The following XKRX variants were observed in gnomAD, a reference collection of about 807,000 sequenced individuals.
XKRX encodes the protein XK-related protein 2.
XKRX carries 11 observed loss-of-function variants against 22.4 expected under a neutral mutation model. That is an observed-to-expected ratio of 0.49 (90% CI 0.31 to 0.81). The LOEUF (loss-of-function observed/expected upper bound fraction) is 0.81. Ranked by LOEUF, XKRX falls within the 40% of genes least tolerant of loss-of-function variation. XKRX has a pLI of 0.05. For missense variants in XKRX, 320 were observed against 336.5 expected, an observed-to-expected ratio of 0.95 and a Z score of 0.38; for synonymous variants, 114 against 132.2, an observed-to-expected ratio of 0.86 and a Z score of 0.94.
chrX:100,898,606 A>C, the XKRX span, among the ~76,000 whole-genome samples: 1 of 109,451 alleles, frequency 9.1e-6, no homozygotes, highest in African/African-American at 3.3e-5. Flanking sequence ...ACAAAAAAAA[A>C]AAAACAAGAA....
chrX:100,914,716 G>A lies in XKRX; in HGVS notation c.972C>T (p.Phe324=). 8.3e-7 allele frequency: 1 copy of A among 1,211,934 alleles called. No individual in the cohort carries two copies. The change falls in exon 3 of 3, where the codon TTC becomes TTT. Residue 324 remains phenylalanine, a synonymous_variant. Coordinates refer to ENST00000372956, the MANE Select transcript of XKRX (RefSeq NM_212559.3). ...TCAACTGCAAAGCTGACCAGCAAGA[G>A]AAGTTGATGCCAGCATAGAGGATGG... is the stretch of plus-strand genomic sequence containing the variant. ...SVTILYAGIN[F]SCWSALQLRL...
intron 2 of XKRX, 33 bp from the exon 3 acceptor site, chrX:100,915,116 C>A: frequency 8.5e-7 from 1 of 1,182,945 alleles, no homozygotes. Context: ...CAAAAACAGG[C>A]AATCAGTCAA....
In XKRX at chrX:100,926,579, T is replaced by A. The variant is rs186406721; in HGVS notation, c.335+1391A>T. ...CTTCCCATTGCAACACTCTGACCCA[T>A]ATTCCTCGGCTGACTGCAGTTGTCT... On this transcript the variant is annotated intron_variant, in intron 1 of 2. Coordinates refer to ENST00000372956, the MANE Select transcript of XKRX (RefSeq NM_212559.3). 3.6e-5 allele frequency among the ~76,000 whole-genome samples: 4 copies of A among 111,859 alleles called. No homozygotes were observed. In the East Asian group the frequency reaches 1.1e-3, roughly 31 times the overall value.
the XKRX span, among the ~76,000 whole-genome samples, chrX:100,897,508 C>T: frequency 4.8e-5 from 5 of 103,364 alleles, no homozygotes; most frequent in African/African-American, 1.8e-4. Context: ...TCGCTTGAAC[C>T]GGGGAGGTGG....
At chrX:100,902,245 CTT>C in the XKRX span, among the ~76,000 whole-genome samples, 582 of 111,303 alleles carry the variant, frequency 5.2e-3, 5 homozygotes, top group African/African-American at 0.018. Flanking sequence ...TAAAATACAT[CTT>C]ATCAAAATTT....
downstream of XKRX, among the ~76,000 whole-genome samples, chrX:100,911,729 C>T (rs149445515): frequency 7.7e-4 from 86 of 112,380 alleles, 1 homozygote; most frequent in African/African-American, 2.7e-3. Context: ...CCATATTTCA[C>T]AATTCCATCT....
At chrX:100,951,144 G>C in the XKRX span, among the ~76,000 whole-genome samples, 1 of 100,875 alleles carries the variant, frequency 9.9e-6, no homozygotes, top group East Asian at 3.4e-4. Context: ...TAGGGCAGGA[G>C]AATCGCTTGA....
At chrX:100,926,413 G>A (rs2085498049) in intron 1 of XKRX, among the ~76,000 whole-genome samples, 1 of 111,827 alleles carries the variant, frequency 8.9e-6, no homozygotes, top group South Asian at 3.7e-4. Flanking sequence ...AAAATTTATT[G>A]ATAAAAAATT....
chrX:100,940,240 A>G, the XKRX span, among the ~76,000 whole-genome samples: 1 of 112,004 alleles, frequency 8.9e-6, no homozygotes, highest in Non-Finnish European at 1.9e-5. Context: ...TCCAATTTAT[A>G]GAAAAGGAAG....
the XKRX span, among the ~76,000 whole-genome samples, chrX:100,935,083 T>C: frequency 1.8e-5 from 2 of 112,143 alleles, no homozygotes; most frequent in Non-Finnish European, 3.8e-5. Context: ...TTTTACTTAG[T>C]CAGATATAGC....
chrX:100,927,748 A>G (rs766139232), intron 1 of XKRX, among the ~76,000 whole-genome samples: 28 of 112,325 alleles, frequency 2.5e-4, no homozygotes, highest in African/African-American at 8.7e-4. Flanking sequence ...GCCAAATAGC[A>G]TCGTTCATTG....
At chrX:100,889,239 C>CAAA in the XKRX span, among the ~76,000 whole-genome samples, 4 of 53,262 alleles carry the variant, frequency 7.5e-5, no homozygotes, top group African/African-American at 3.1e-4. Context: ...GACTCTATCT[C>CAAA]AAAAAAAAAA....
the XKRX span, among the ~76,000 whole-genome samples, chrX:100,892,872 C>T: frequency 3.6e-5 from 4 of 112,567 alleles, no homozygotes; most frequent in African/African-American, 1.3e-4. Context: ...GGCATACCTT[C>T]GCTCTCAAAT....
At chrX:100,908,940 A>G (rs1385186876), downstream of XKRX, among the ~76,000 whole-genome samples, 2 of 110,980 alleles carry the variant, frequency 1.8e-5, no homozygotes, top group African/African-American at 6.6e-5. Context: ...ACTATTCTCT[A>G]CTGTCCACTT....
At chrX:100,920,031 T>C (rs1488716998) in intron 2 of XKRX, among the ~76,000 whole-genome samples, 1 of 111,129 alleles carries the variant, frequency 9.0e-6, no homozygotes, top group Non-Finnish European at 1.9e-5. Flanking sequence ...CTGCTGCCCC[T>C]CTTTCTTCCA....
At chrX:100,936,540 C>CAAAAAAAAAAAAAA in the XKRX span, among the ~76,000 whole-genome samples, 204 of 25,409 alleles carry the variant, frequency 8.0e-3, no homozygotes, top group Admixed American at 0.012. Context: ...GACTCTGTCT[C>CAAAAAAAAAAAAAA]AAAAAAAAAA....
chrX:100,918,873 C>A (rs1370880536), intron 2 of XKRX, among the ~76,000 whole-genome samples: 1 of 109,668 alleles, frequency 9.1e-6, no homozygotes, highest in Non-Finnish European at 1.9e-5. Flanking sequence ...CCCCTATTTC[C>A]AAAAGTATGG....
At chrX:100,938,653 G>A in the XKRX span, among the ~76,000 whole-genome samples, 3 of 111,212 alleles carry the variant, frequency 2.7e-5, no homozygotes, top group Non-Finnish European at 5.7e-5. Context: ...ACAACTGTGG[G>A]ATTTAGTCTT....
the XKRX span, among the ~76,000 whole-genome samples, chrX:100,899,237 G>A: frequency 2.0e-4 from 23 of 113,093 alleles, no homozygotes; most frequent in African/African-American, 6.4e-4. Flanking sequence ...AGAACAGGCC[G>A]GGCGTGGTGG....
Sources: allele counts gnomAD v4.1 joint callset (sites outside exome capture counted in the v4.1 genomes callset), GRCh38; gene constraint gnomAD v4.1.1; transcripts MANE v1.5; gene names NCBI Gene and HGNC (gene_info 2026-07-23, HGNC 2026-07-21).